Variants in NOB1 observed in about 807,000 individuals in gnomAD.
NOB1 encodes the protein NIN1 (RPN12) binding protein 1 homolog, also known as RNA-binding protein NOB1.
Under a neutral mutation model 44.8 loss-of-function variants are expected in NOB1, and 44 were observed. The ratio of observed to expected loss-of-function variants is 0.98; its 90% confidence interval spans 0.77 to 1.26. NOB1 has a LOEUF of 1.26. Ranked by LOEUF, NOB1 falls within the 50% of genes most tolerant of loss-of-function variation. The pLI is 0.00. For missense variants in NOB1, 560 were observed against 544.8 expected (o/e 1.03, Z -0.28); for synonymous variants, 238 against 218.7 (o/e 1.09, Z -0.78).
At chr16:69,744,780 A>T in intron 8 of NOB1, 93 bp downstream of exon 8, 1 of 1,413,644 alleles carries the variant, frequency 7.1e-7, no homozygotes, top group Non-Finnish European at 9.6e-7. Context: ...TCAATCGCCC[A>T]TCTTGCAGAA....
intron 3 of NOB1, among the ~76,000 whole-genome samples, chr16:69,750,724 C>A (rs2038475938): frequency 6.6e-6 from 1 of 151,926 alleles, no homozygotes; most frequent in Non-Finnish European, 1.5e-5. Context: ...ATGGCTTGAG[C>A]CCAGGAGTTT....
chr16:69,748,620 C>A lies in NOB1; in HGVS notation c.727-291G>T, dbSNP rs2038453747. On this transcript the variant is annotated intron_variant, in intron 6 of 8. Coordinates refer to ENST00000268802, the MANE Select transcript of NOB1 (RefSeq NM_014062.3). ...AATATACTCATTGCTGGGCTGAAAA[C>A]CCTCTCTCCCTGTGTTAAGAACCTG... The A allele has an allele frequency of 1.7e-5, 9 of 529,056 alleles. No homozygotes were observed. The South Asian group carries it at 2.5e-4, about 14-fold the overall frequency. The allele number at this position is 529,056 out of a possible 1,614,324, so 32.8% of individuals were successfully genotyped here. A position where few individuals can be genotyped will look rare whatever the true frequency, so the allele number is the denominator to read the frequency against.
intron 7 of NOB1, among the ~76,000 whole-genome samples, chr16:69,745,273 C>G (rs751750972): frequency 1.1e-4 from 17 of 152,182 alleles, no homozygotes; most frequent in Non-Finnish European, 2.4e-4. Context: ...ATCCCGAACC[C>G]TTCCTACACA....
rs1490908574 is a variant in NOB1 at position 69,745,098 on chromosome 16, C to T, written c.825-81G>A. 13 of 1,480,806 alleles carry T rather than the reference C, an allele frequency of 8.8e-6. No individual in the cohort carries two copies. In the Admixed American group the frequency reaches 1.7e-4, roughly 19 times the overall value. The allele number at this position is 1,480,806 out of a possible 1,614,324, so 91.7% of individuals were successfully genotyped here. Reference sequence around the variant, plus strand: ...CCCAGAGCACAAGGTGGGTCTCGGGCCTCAGGAGAAGAAACAGGGAAGGGC... The same window carrying T: ...CCCAGAGCACAAGGTGGGTCTCGGGTCTCAGGAGAAGAAACAGGGAAGGGC... On this transcript the variant is annotated intron_variant, in intron 7 of 8. Coordinates refer to ENST00000268802, the MANE Select transcript of NOB1 (RefSeq NM_014062.3).
chr16:69,751,724 A>C (rs1205215415), intron 3 of NOB1, among the ~76,000 whole-genome samples: 2 of 152,250 alleles, frequency 1.3e-5, no homozygotes, highest in Admixed American at 6.5e-5. Flanking sequence ...ACATACCAAG[A>C]AATATCTATC....
chr16:69,748,895 C>T (rs754071525), intron 6 of NOB1, 23 bp downstream of exon 6: 22 of 1,559,628 alleles, frequency 1.4e-5, no homozygotes, highest in East Asian at 2.3e-5. Context: ...GTGTGACACA[C>T]GGCCCAGGCC....
In NOB1 at chr16:69,742,222, G is replaced by A. The variant is rs1003927542; in HGVS notation, c.*110C>T. The stretch of plus-strand genomic sequence containing the variant: ...CGGACAGAGCCGCACCGTGAAGCCC[G>A]CCTGTTATTTCCATCGGGTGGTCCT... On this transcript the variant is annotated 3_prime_UTR_variant, in exon 9 of 9. Transcript: ENST00000268802. 61 of 1,396,002 alleles carry A rather than the reference G, an allele frequency of 4.4e-5. No individual in the cohort carries two copies. In the Admixed American group the frequency reaches 5.6e-4, roughly 13 times the overall value. The allele number at this position is 1,396,002 out of a possible 1,614,324, so 86.5% of individuals were successfully genotyped here. A position where few individuals can be genotyped will look rare whatever the true frequency, so the allele number is the denominator to read the frequency against.
At chr16:69,752,061 T>A (rs1199135695) in intron 3 of NOB1, among the ~76,000 whole-genome samples, 180 bp downstream of exon 3, 1 of 149,456 alleles carries the variant, frequency 6.7e-6, no homozygotes, top group Non-Finnish European at 1.5e-5. Context: ...CAAGACTCTA[T>A]CTCAAAAAAA....
intron 6 of NOB1, chr16:69,748,670 C>G: frequency 1.9e-6 from 1 of 529,264 alleles, no homozygotes; most frequent in Non-Finnish European, 3.3e-6. Context: ...ATTATATATA[C>G]TGAAAAAAAA....
intron 3 of NOB1, 31 bp from the exon 4 acceptor site, chr16:69,749,661 G>A: frequency 1.3e-6 from 2 of 1,529,918 alleles, no homozygotes; most frequent in East Asian, 4.5e-5. Flanking sequence ...TATACCTCTT[G>A]TTATCAAAAT....
At chr16:69,753,913 C>G (rs2151755239) in intron 2 of NOB1, among the ~76,000 whole-genome samples, 1 of 152,320 alleles carries the variant, frequency 6.6e-6, no homozygotes, top group South Asian at 2.1e-4. Context: ...TCAAGCAATT[C>G]TCCTGCCTCA....
chr16:69,747,918 G>A (rs992978803), intron 7 of NOB1, among the ~76,000 whole-genome samples: 5 of 152,280 alleles, frequency 3.3e-5, no homozygotes, highest in Admixed American at 1.3e-4. Context: ...AGCTCTTTGG[G>A]AGGCTGAGGT....
Position 69,745,409 on chromosome 16 carries a change from G to C in NOB1, c.825-392C>G, listed in dbSNP as rs545590511. Among the ~76,000 whole-genome samples, 65 of 152,312 alleles carry C rather than the reference G, an allele frequency of 4.3e-4. 1 individual carries two copies. The South Asian group carries it at 0.013, about 31-fold the overall frequency. ...GCTCAAGGTCACCCAGCTGGTCCAT[G>C]GCAGATAAACCCAGGCAGTCTGGCT... On this transcript the variant is annotated intron_variant, in intron 7 of 8. Transcript: ENST00000268802.
intron 7 of NOB1, 66 bp from the exon 8 acceptor site, chr16:69,745,083 A>G: frequency 6.4e-7 from 1 of 1,572,458 alleles, no homozygotes; most frequent in Non-Finnish European, 8.7e-7. Flanking sequence ...CCCAGAGCAC[A>G]AGGTGGGTCT....
At chr16:69,747,600 CCTT>C (rs1426492904) in intron 7 of NOB1, among the ~76,000 whole-genome samples, 7 of 152,166 alleles carry the variant, frequency 4.6e-5, no homozygotes, top group South Asian at 2.1e-4. Context: ...CCCACCCACT[CCTT>C]CTACTTGTGG....
At chr16:69,752,719 C>T (rs898724415) in intron 2 of NOB1, among the ~76,000 whole-genome samples, 1 of 152,168 alleles carries the variant, frequency 6.6e-6, no homozygotes, top group African/African-American at 2.4e-5. Flanking sequence ...GTGGGCGGAT[C>T]ACTTGAGGTC....
rs975716353 is a variant in NOB1, at chr16:69,749,022, A to G, written c.622T>C (p.Trp208Arg). ...KDDSDDDGGG[W>R]ITPSNIKQIQ... Reference sequence around the variant, plus strand: ...TGCTTGATGTTACTGGGGGTTATCCAGCCACCCCCGTCGTCATCGCTGTCA... The same window carrying G: ...TGCTTGATGTTACTGGGGGTTATCCGGCCACCCCCGTCGTCATCGCTGTCA... Residue 208 changes from tryptophan to arginine, a missense_variant, in exon 6 of 9, where the codon TGG (tryptophan) becomes CGG (arginine). Physicochemically the swap from Trp to Arg is moderately radical, Grantham distance 101 (BLOSUM62 -3). Coordinates refer to ENST00000268802, the MANE Select transcript of NOB1 (RefSeq NM_014062.3). 1 of 1,614,182 alleles carries G rather than the reference A, an allele frequency of 6.2e-7. No individual in the cohort carries two copies. The highest frequency in any genetic ancestry group is 8.5e-7 in the Non-Finnish European group (1 of 1,180,002).
chr16:69,752,200 C>A, intron 3 of NOB1, 41 bp downstream of exon 3: 1 of 1,592,516 alleles, frequency 6.3e-7, no homozygotes, highest in Non-Finnish European at 8.6e-7. Context: ...CTGACAGTTC[C>A]CATAATACAA....
intron 8 of NOB1, 24 bp downstream of exon 8, chr16:69,744,849 G>A (rs758126830): frequency 4.4e-6 from 7 of 1,608,818 alleles, no homozygotes; most frequent in Non-Finnish European, 5.9e-6. Context: ...GTGTTGGGAG[G>A]GGACTGGGAG....
Sources: gnomAD v4.1 joint callset for allele counts (sites outside exome capture counted in the v4.1 genomes callset) on GRCh38, gnomAD v4.1.1 for gene constraint, MANE v1.5 for transcripts, NCBI Gene and HGNC (gene_info 2026-07-23, HGNC 2026-07-21) for gene names.